RAP1GAP2: variants seen among roughly 807,000 people sequenced by gnomAD.
RAP1GAP2 encodes the protein rap1 GTPase-activating protein 2.
In RAP1GAP2, 27 loss-of-function variants were observed where a neutral mutation model predicts 95.0. The ratio of observed to expected loss-of-function variants is 0.28; its 90% confidence interval spans 0.21 to 0.39. The LOEUF is 0.39. RAP1GAP2 is among the 10% of genes least tolerant of loss of function. The probability of loss-of-function intolerance (pLI) is 1.00; values close to 1 mark genes in which losing one functional copy is unlikely to be tolerated. For missense variants in RAP1GAP2, 771 were observed against 970.0 expected (o/e 0.79, Z 2.72); for synonymous variants, 373 against 380.9 (o/e 0.98, Z 0.24).
intron 1 of RAP1GAP2, among the ~76,000 whole-genome samples, chr17:2,756,107 C>T (rs1157457326): frequency 6.6e-6 from 1 of 152,248 alleles, no homozygotes; most frequent in East Asian, 1.9e-4. Context: ...CCTTCCCCTT[C>T]GCCCCCTTCA....
chr17:2,952,954 G>A (rs781609868), intron 3 of RAP1GAP2, among the ~76,000 whole-genome samples: 2 of 151,710 alleles, frequency 1.3e-5, no homozygotes, highest in South Asian at 2.1e-4. Flanking sequence ...ACAGGTGTGC[G>A]CCACCACACC....
intron 1 of RAP1GAP2, among the ~76,000 whole-genome samples, chr17:2,781,955 T>C (rs910774972): frequency 1.3e-5 from 2 of 149,732 alleles, no homozygotes; most frequent in African/African-American, 4.9e-5. Context: ...TGTGTGTGCA[T>C]GTCTCTGTGT....
chr17:2,780,979 C>T (rs1015202809), intron 1 of RAP1GAP2, among the ~76,000 whole-genome samples: 1 of 152,176 alleles, frequency 6.6e-6, no homozygotes, highest in African/African-American at 2.4e-5. Flanking sequence ...TTTGTTGCAA[C>T]CCTTCAGGGA....
intron 17 of RAP1GAP2, among the ~76,000 whole-genome samples, chr17:3,013,319 C>A (rs1335058640): frequency 2.0e-5 from 3 of 152,230 alleles, no homozygotes; most frequent in Non-Finnish European, 4.4e-5. Flanking sequence ...TTTGCCCCCT[C>A]CTTTTCCTCC....
At chr17:2,978,731 C>T (rs2045229801) in intron 8 of RAP1GAP2, among the ~76,000 whole-genome samples, 1 of 151,800 alleles carries the variant, frequency 6.6e-6, no homozygotes, top group African/African-American at 2.4e-5. Flanking sequence ...GTCAGGAATT[C>T]GAGACCAGCC....
Position 2,825,462 on chromosome 17 carries a change from G to C in RAP1GAP2, c.80+24912G>C, listed in dbSNP as rs2070505506. ...AGAGGCAGGAGAAATGAAGCTGTTT[G>C]TTTATCTGATGAATATTCATCGAGC... On this transcript the variant is annotated intron_variant, in intron 2 of 24. Transcript: ENST00000254695. The surrounding 1 kb of genome is among the most constrained non-coding windows in gnomAD (Gnocchi z 4.1). Among the ~76,000 whole-genome samples the C allele has an allele frequency of 1.3e-5, 2 of 152,108 alleles. No homozygotes were observed. The highest frequency in any genetic ancestry group is 4.2e-4 in the South Asian group (2 of 4,786).
At chr17:2,812,990 CA>C (rs748557335) in intron 2 of RAP1GAP2, among the ~76,000 whole-genome samples, 27,660 of 136,946 alleles carry the variant, frequency 0.2, 2,817 homozygotes, top group South Asian at 0.35. Flanking sequence ...AACTCCGTCT[CA>C]AAAAAAAAAA....
intron 2 of RAP1GAP2, among the ~76,000 whole-genome samples, chr17:2,816,094 T>C (rs7223943): frequency 0.13 from 20,465 of 152,150 alleles, 2,037 homozygotes; most frequent in African/African-American, 0.28. Context: ...AGGTGCCCCT[T>C]GTTTCCATAG....
At chr17:2,784,509 G>A (rs945929596) in intron 1 of RAP1GAP2, among the ~76,000 whole-genome samples, 2 of 152,036 alleles carry the variant, frequency 1.3e-5, no homozygotes, top group African/African-American at 4.8e-5. Context: ...GACCTCAAGT[G>A]ATCCGCCCGA....
chr17:2,787,771 G>A (rs2068823715), intron 1 of RAP1GAP2, among the ~76,000 whole-genome samples: 1 of 152,020 alleles, frequency 6.6e-6, no homozygotes, highest in Non-Finnish European at 1.5e-5. Flanking sequence ...GTTTCACCAT[G>A]TTGGCCAGGA....
At chr17:2,981,047 G>A (rs781246578) in intron 9 of RAP1GAP2, 148 bp from the exon 10 acceptor site, 32 of 653,024 alleles carry the variant, frequency 4.9e-5, no homozygotes, top group African/African-American at 9.0e-5. Context: ...GCCTGGGCAC[G>A]TGTTAGTGAG....
chr17:2,828,753 G>A (rs1298995826), intron 2 of RAP1GAP2, among the ~76,000 whole-genome samples: 3 of 152,116 alleles, frequency 2.0e-5, no homozygotes, highest in African/African-American at 7.2e-5. Flanking sequence ...CCCTGGCCGG[G>A]GGCAGAAGAG....
At chr17:2,908,052 G>T (rs1232552686) in intron 3 of RAP1GAP2, among the ~76,000 whole-genome samples, 1 of 151,880 alleles carries the variant, frequency 6.6e-6, no homozygotes, top group African/African-American at 2.4e-5. Flanking sequence ...TGATGCGCCC[G>T]CCTCGGCCTC....
chr17:2,858,308 G>T (rs2072232592), intron 2 of RAP1GAP2, among the ~76,000 whole-genome samples: 1 of 151,922 alleles, frequency 6.6e-6, no homozygotes, highest in Non-Finnish European at 1.5e-5. Context: ...AGGCTGTCAG[G>T]GGAGAGCTCG....
At chr17:2,819,819 G>T (rs1597370327) in intron 2 of RAP1GAP2, among the ~76,000 whole-genome samples, 1 of 147,468 alleles carries the variant, frequency 6.8e-6, no homozygotes, top group African/African-American at 2.5e-5. Flanking sequence ...TTTGAGACAG[G>T]ATCTCACTCT....
intron 2 of RAP1GAP2, among the ~76,000 whole-genome samples, chr17:2,771,982 C>T (rs1483281464): frequency 6.6e-6 from 1 of 152,068 alleles, no homozygotes; most frequent in Admixed American, 6.6e-5. Flanking sequence ...CCTCCTGACT[C>T]AGCCACAATA....
intron 3 of RAP1GAP2, among the ~76,000 whole-genome samples, chr17:2,919,505 G>T (rs2042679444): frequency 6.6e-6 from 1 of 152,108 alleles, no homozygotes; most frequent in Admixed American, 6.6e-5. Flanking sequence ...ATATTAAAAT[G>T]AGTCTGTATT....
rs2046303873 is a variant in RAP1GAP2 at position 3,005,499 on chromosome 17, G to A, written c.1272+59G>A. The A allele has an allele frequency of 6.5e-7, 1 of 1,544,792 alleles. No individual in the cohort carries two copies. Among genetic ancestry groups the A allele is most frequent in the South Asian group, 1.1e-5 (1 of 89,674 alleles). ...CACGATGCCAGGTCTCAGTGCTTGA[G>A]TAGCAATGGTTGGGATGGAGCCAAA... On this transcript the variant is annotated intron_variant, in intron 15 of 24. Coordinates refer to ENST00000254695, the MANE Select transcript of RAP1GAP2 (RefSeq NM_015085.5). The surrounding 1 kb of genome is among the most constrained non-coding windows in gnomAD (Gnocchi z 5.2).
At chr17:2,992,466 A>G (rs1476932743) in intron 12 of RAP1GAP2, among the ~76,000 whole-genome samples, 1 of 152,072 alleles carries the variant, frequency 6.6e-6, no homozygotes, top group Non-Finnish European at 1.5e-5. Flanking sequence ...GGCTCAGTCT[A>G]TGCTTTTTTA....
Sources: gnomAD v4.1 joint callset for allele counts (sites outside exome capture counted in the v4.1 genomes callset) on GRCh38, gnomAD v4.1.1 for gene constraint, Gnocchi (gnomAD v3.1) non-coding constraint, MANE v1.5 for transcripts, NCBI Gene and HGNC (gene_info 2026-07-23, HGNC 2026-07-21) for gene names.